The following SOX6 variants were observed in gnomAD, a reference collection of about 807,000 sequenced individuals.
SOX6 encodes transcription factor SOX-6.
SOX6 carries 11 observed loss-of-function variants against 97.8 expected under a neutral mutation model. The ratio of observed to expected loss-of-function variants is 0.11; its 90% confidence interval spans 0.07 to 0.19. The LOEUF is 0.19. Ranked by LOEUF, SOX6 falls within the 10% of genes least tolerant of loss-of-function variation. The pLI is 1.00. For synonymous variants in SOX6, 360 were observed against 371.4 expected, an observed-to-expected ratio of 0.97 and a Z score of 0.35; for missense variants, 810 against 1,039.5, an observed-to-expected ratio of 0.78 and a Z score of 3.04.
rs1435501034 is a variant in SOX6, at chr11:16,610,743, T to C, written n.609+1338A>G. ...TGGCCCTGGGGGCGGGGGTGCCATC[T>C]AAGGGTTTCCTCTAAAGCCTCGGGC... On this transcript the variant is annotated intron_variant and non_coding_transcript_variant, in intron 4 of 5. Coordinates refer to the SOX6 transcript ENST00000524520. The surrounding 1 kb of genome is among the most constrained non-coding windows in gnomAD (Gnocchi z 4.4). Among the ~76,000 whole-genome samples, 1 of 152,150 alleles carries C rather than the reference T, an allele frequency of 6.6e-6. No individual in the cohort carries two copies. Among genetic ancestry groups the C allele is most frequent in the Non-Finnish European group, 1.5e-5 (1 of 68,004 alleles).
intron 3 of SOX6, among the ~76,000 whole-genome samples, chr11:16,257,438 A>G (rs1055467236): frequency 6.6e-6 from 1 of 151,992 alleles, no homozygotes; most frequent in South Asian, 2.1e-4. Flanking sequence ...GACATAAAGC[A>G]AAGGCAATCT....
At chr11:16,420,606 G>T (rs889341864) in intron 1 of SOX6, among the ~76,000 whole-genome samples, 1 of 152,138 alleles carries the variant, frequency 6.6e-6, no homozygotes. Flanking sequence ...TGTTATTCTA[G>T]AAGATTTCTC....
intron 13 of SOX6, among the ~76,000 whole-genome samples, chr11:16,005,565 G>A (rs1854524658): frequency 6.6e-6 from 1 of 151,938 alleles, no homozygotes; most frequent in South Asian, 2.1e-4. Flanking sequence ...CCACTAACAG[G>A]TCTGTAGCTC....
chr11:16,263,872 A>G (rs1373851501), intron 3 of SOX6, among the ~76,000 whole-genome samples: 2 of 151,894 alleles, frequency 1.3e-5, no homozygotes, highest in Non-Finnish European at 2.9e-5. Flanking sequence ...TATATTCTCT[A>G]TCTCTCCCTG....
At chr11:16,674,675 G>T (rs1390872398) in intron 3 of SOX6, among the ~76,000 whole-genome samples, 23 of 151,896 alleles carry the variant, frequency 1.5e-4, no homozygotes, top group African/African-American at 2.4e-5. Flanking sequence ...CCAAGGCTGG[G>T]CATGGTAGCT....
chr11:16,371,950 T>C (rs1857503850), intron 1 of SOX6, among the ~76,000 whole-genome samples: 2 of 152,216 alleles, frequency 1.3e-5, no homozygotes, highest in South Asian at 4.1e-4. Context: ...GGCTGGGTCA[T>C]AGATAATACT....
chr11:16,333,433 C>T (rs1856370111), intron 2 of SOX6, among the ~76,000 whole-genome samples: 1 of 151,676 alleles, frequency 6.6e-6, no homozygotes, highest in Admixed American at 6.6e-5. Context: ...AGAGGCTAGG[C>T]AAGAAAAAAT....
At chr11:16,173,107 T>C (rs981781449) in intron 6 of SOX6, among the ~76,000 whole-genome samples, 27 of 152,028 alleles carry the variant, frequency 1.8e-4, no homozygotes, top group Middle Eastern at 3.4e-3. Flanking sequence ...GAAACATGTA[T>C]AGATATCAGT....
chr11:16,668,099 C>A (rs1847820417), intron 3 of SOX6, among the ~76,000 whole-genome samples: 1 of 152,130 alleles, frequency 6.6e-6, no homozygotes, highest in South Asian at 2.1e-4. Flanking sequence ...AACAGACCAG[C>A]GTGGTGGCTC....
At chr11:16,444,882 T>G (rs1859582756) in intron 1 of SOX6, among the ~76,000 whole-genome samples, 1 of 152,208 alleles carries the variant, frequency 6.6e-6, no homozygotes, top group South Asian at 2.1e-4. Flanking sequence ...TACAGATTGC[T>G]GGAAATGTGC....
intron 9 of SOX6, among the ~76,000 whole-genome samples, chr11:16,061,407 G>A (rs375596871): frequency 6.6e-6 from 1 of 151,488 alleles, no homozygotes; most frequent in African/African-American, 2.4e-5. Context: ...ATAAACAAAT[G>A]GAAAAACATC....
intron 4 of SOX6, among the ~76,000 whole-genome samples, chr11:16,491,590 T>C (rs949916408): frequency 2.0e-5 from 3 of 151,934 alleles, no homozygotes; most frequent in African/African-American, 7.3e-5. Flanking sequence ...AATCCAAACA[T>C]CTAAGAAAAG....
chr11:16,222,603 C>T (rs1249776198), intron 4 of SOX6, among the ~76,000 whole-genome samples: 1 of 152,096 alleles, frequency 6.6e-6, no homozygotes, highest in African/African-American at 2.4e-5. Flanking sequence ...TAGATACAAA[C>T]AAACACAAAC....
chr11:16,017,389 GA>G (rs1854920503), intron 12 of SOX6, among the ~76,000 whole-genome samples: 1 of 152,022 alleles, frequency 6.6e-6, no homozygotes, highest in South Asian at 2.1e-4. Context: ...ATCAATGATA[GA>G]AATTGTTTTG....
In SOX6 at chr11:16,589,340, A is replaced by G. The variant is rs554028392; in HGVS notation, n.609+22741T>C. On this transcript the variant is annotated intron_variant and non_coding_transcript_variant, in intron 4 of 5. Coordinates refer to the SOX6 transcript ENST00000524520. ...AAAATTAATCCTTACCTAGATTTAA[A>G]TACAGATTGACAGATTGAGTCTATA... 2.0e-5 allele frequency among the ~76,000 whole-genome samples: 3 copies of G among 152,340 alleles called. No homozygotes were observed. The South Asian group carries it at 6.2e-4, about 32-fold the overall frequency.
chr11:16,448,260 C>T (rs1020041629), intron 1 of SOX6, among the ~76,000 whole-genome samples: 19 of 152,124 alleles, frequency 1.2e-4, no homozygotes, highest in African/African-American at 3.9e-4. Flanking sequence ...AATAAAAATA[C>T]ATGATTTGTA....
chr11:16,419,836 C>T (rs1565139056), intron 1 of SOX6, among the ~76,000 whole-genome samples: 1 of 152,118 alleles, frequency 6.6e-6, no homozygotes, highest in Admixed American at 6.6e-5. Flanking sequence ...CAACATAAGG[C>T]TCCCTGTACC....
intron 4 of SOX6, among the ~76,000 whole-genome samples, chr11:16,593,496 T>C (rs1848177034): frequency 6.9e-6 from 1 of 145,006 alleles, no homozygotes; most frequent in African/African-American, 2.5e-5. Context: ...GGGAAGAACG[T>C]TGAACAAATC....
At chr11:16,442,885 AAATT>A (rs1408251810) in intron 1 of SOX6, among the ~76,000 whole-genome samples, 4 of 152,204 alleles carry the variant, frequency 2.6e-5, no homozygotes, top group Non-Finnish European at 5.9e-5. Flanking sequence ...TATCTTATCA[AAATT>A]AATTAGTTGA....
Sources: allele counts gnomAD v4.1 joint callset (sites outside exome capture counted in the v4.1 genomes callset), GRCh38; gene constraint gnomAD v4.1.1; non-coding constraint Gnocchi (gnomAD v3.1); transcripts MANE v1.5; gene names NCBI Gene and HGNC (gene_info 2026-07-23, HGNC 2026-07-21).